CLASP1: variants seen among roughly 807,000 people sequenced by gnomAD.
CLASP1 encodes CLIP-associating protein 1.
CLASP1 carries 38 observed loss-of-function variants against 192.3 expected under a neutral mutation model. The ratio of observed to expected loss-of-function variants is 0.20; its 90% confidence interval spans 0.15 to 0.26. The LOEUF (loss-of-function observed/expected upper bound fraction) is 0.26. CLASP1 is among the 10% of genes least tolerant of loss of function. The probability of loss-of-function intolerance (pLI) is 1.00; values close to 1 mark genes in which losing one functional copy is unlikely to be tolerated. For synonymous variants in CLASP1, 691 were observed against 712.8 expected, an observed-to-expected ratio of 0.97 and a Z score of 0.49; for missense variants, 1,433 against 1,932.5, an observed-to-expected ratio of 0.74 and a Z score of 4.85.
intron 23 of CLASP1, among the ~76,000 whole-genome samples, chr2:121,417,892 AG>A (rs2078873458): frequency 6.6e-6 from 1 of 152,252 alleles, no homozygotes; most frequent in African/African-American, 2.4e-5. Context: ...AGACTGCTGG[AG>A]TCCACAGATC....
intron 19 of CLASP1, among the ~76,000 whole-genome samples, chr2:121,446,608 A>C (rs2084391731): frequency 6.6e-6 from 1 of 152,252 alleles, no homozygotes; most frequent in Non-Finnish European, 1.5e-5. Flanking sequence ...ATTGGCTCTT[A>C]CAAAAACAAA....
intron 6 of CLASP1, among the ~76,000 whole-genome samples, chr2:121,516,560 T>C (rs767189224): frequency 2.2e-4 from 34 of 152,136 alleles, no homozygotes; most frequent in Non-Finnish European, 2.2e-4. Context: ...CGAAATAAGG[T>C]GTGAGAGACA....
At chr2:121,629,626 A>G (rs1261810722) in intron 1 of CLASP1, among the ~76,000 whole-genome samples, 1 of 151,438 alleles carries the variant, frequency 6.6e-6, no homozygotes, top group Admixed American at 6.6e-5. Flanking sequence ...CCCCATGTCT[A>G]CTAAAAATAC....
intron 2 of CLASP1, among the ~76,000 whole-genome samples, chr2:121,590,119 C>T (rs1366048192): frequency 1.3e-5 from 2 of 152,122 alleles, no homozygotes; most frequent in African/African-American, 4.8e-5. Flanking sequence ...ATTGCTGCTC[C>T]TAGAAGCAAA....
intron 8 of CLASP1, among the ~76,000 whole-genome samples, chr2:121,476,997 A>T (rs1273281527): frequency 6.6e-6 from 1 of 152,210 alleles, no homozygotes; most frequent in Non-Finnish European, 1.5e-5. Context: ...TGTCTGCCAG[A>T]CACACCCCTA....
chr2:121,630,856 G>A (rs1159903841), intron 1 of CLASP1, among the ~76,000 whole-genome samples: 4 of 103,386 alleles, frequency 3.9e-5, no homozygotes, highest in Non-Finnish European at 7.3e-5. Flanking sequence ...GCGAAACTAC[G>A]TCTCAAAAAA....
At chr2:121,524,240 G>C (rs185519919) in intron 6 of CLASP1, among the ~76,000 whole-genome samples, 1 of 152,156 alleles carries the variant, frequency 6.6e-6, no homozygotes, top group South Asian at 2.1e-4. Flanking sequence ...TGGCGGCAGC[G>C]AAACCCCCAG....
At chr2:121,622,531 T>G (rs1007640123) in intron 1 of CLASP1, among the ~76,000 whole-genome samples, 2 of 150,722 alleles carry the variant, frequency 1.3e-5, no homozygotes. Flanking sequence ...ACTATGCCAC[T>G]GCACTCCAGC....
chr2:121,527,483 G>A (rs1206590974), intron 5 of CLASP1, among the ~76,000 whole-genome samples: 1 of 152,186 alleles, frequency 6.6e-6, no homozygotes, highest in Admixed American at 6.5e-5. Flanking sequence ...TGGTTGCCAG[G>A]GGTCAGGGTG....
At chr2:121,457,690 C>G in exon 14 of CLASP1, 1 of 1,609,518 alleles carries the variant, frequency 6.2e-7, no homozygotes. Context: ...AATTTACCTT[C>G]TAACTGCGAC....
chr2:121,588,906 C>G (rs2062040924), intron 2 of CLASP1, among the ~76,000 whole-genome samples: 1 of 152,194 alleles, frequency 6.6e-6, no homozygotes. Flanking sequence ...CGTGCACAGC[C>G]ATGTCTCCCC....
intron 34 of CLASP1, among the ~76,000 whole-genome samples, chr2:121,375,361 A>ATTT (rs34714381): frequency 0.027 from 3,166 of 116,900 alleles, 89 homozygotes; most frequent in Middle Eastern, 0.051. Flanking sequence ...CTAGTTTCTG[A>ATTT]TTTTTTTTTT....
intron 2 of CLASP1, among the ~76,000 whole-genome samples, chr2:121,587,993 G>T (rs975249737): frequency 2.0e-5 from 3 of 151,662 alleles, no homozygotes; most frequent in Non-Finnish European, 2.9e-5. Context: ...GGTCAACATA[G>T]TGAGACCCTG....
At chr2:121,616,397 A>G (rs2066471708) in intron 1 of CLASP1, among the ~76,000 whole-genome samples, 1 of 152,196 alleles carries the variant, frequency 6.6e-6, no homozygotes. Context: ...CAGTGAGCAG[A>G]GATTGCACCA....
intron 34 of CLASP1, among the ~76,000 whole-genome samples, chr2:121,373,239 T>C (rs560414641): frequency 4.0e-4 from 61 of 152,330 alleles, no homozygotes; most frequent in African/African-American, 1.4e-3. Context: ...TCTCTTGCCT[T>C]GCCACCATGT....
chr2:121,489,709 G>C lies in CLASP1; in HGVS notation c.712+13458C>G, dbSNP rs530911070. On this transcript the variant is annotated intron_variant, in intron 8 of 39. Transcript: ENST00000263710. ...TGTGGAAAGACTGAAACCTAATCAA[G>C]AAGATTTTTTGTGAGCAATACTTCT... 7.9e-5 allele frequency among the ~76,000 whole-genome samples: 12 copies of C among 152,284 alleles called. No homozygotes were observed. The South Asian group carries it at 2.5e-3, about 32-fold the overall frequency.
chr2:121,558,997 C>T (rs1053107394), intron 2 of CLASP1, among the ~76,000 whole-genome samples: 5 of 152,188 alleles, frequency 3.3e-5, no homozygotes, highest in South Asian at 2.1e-4. Flanking sequence ...CAGCAGACCC[C>T]GGTTAACTGC....
chr2:121,576,380 T>G (rs1006007247), intron 2 of CLASP1, among the ~76,000 whole-genome samples: 3 of 152,218 alleles, frequency 2.0e-5, no homozygotes, highest in African/African-American at 7.2e-5. Flanking sequence ...CATCATCTAG[T>G]GAGGAAAGCT....
intron 1 of CLASP1, among the ~76,000 whole-genome samples, chr2:121,620,776 T>C (rs2067210363): frequency 6.6e-6 from 1 of 152,246 alleles, no homozygotes; most frequent in Non-Finnish European, 1.5e-5. Flanking sequence ...ATTTCTAAAA[T>C]ATATTTTGGA....
Sources: gnomAD v4.1 joint callset for allele counts (sites outside exome capture counted in the v4.1 genomes callset) on GRCh38, gnomAD v4.1.1 for gene constraint, MANE v1.5 for transcripts, NCBI Gene and HGNC (gene_info 2026-07-23, HGNC 2026-07-21) for gene names.